Variants in PHKB observed in about 807,000 individuals in gnomAD.
PHKB encodes phosphorylase kinase regulatory subunit beta, also known as phosphorylase b kinase regulatory subunit beta.
In PHKB, 122 loss-of-function variants were observed where a neutral mutation model predicts 152.1. That is an observed-to-expected ratio of 0.80 (90% CI 0.69 to 0.93). The LOEUF (loss-of-function observed/expected upper bound fraction) is 0.93. PHKB is among the 40% of genes least tolerant of loss of function. The probability of loss-of-function intolerance (pLI) is 0.00; values close to 1 mark genes in which losing one functional copy is unlikely to be tolerated. For missense variants in PHKB, 1,304 were observed against 1,328.4 expected, an observed-to-expected ratio of 0.98 and a Z score of 0.29; for synonymous variants, 436 against 464.9, an observed-to-expected ratio of 0.94 and a Z score of 0.80.
chr16:47,570,501 G>A (rs183992063), intron 7 of PHKB, among the ~76,000 whole-genome samples: 57 of 151,994 alleles, frequency 3.8e-4, no homozygotes, highest in African/African-American at 1.3e-3. Context: ...CTTAATTTTT[G>A]TCTGACTGGT....
At chr16:47,528,926 C>T (rs1970813383) in intron 6 of PHKB, among the ~76,000 whole-genome samples, 1 of 151,986 alleles carries the variant, frequency 6.6e-6, no homozygotes, top group African/African-American at 2.4e-5. Context: ...GAACTCCTGA[C>T]CTCATGATCC....
chr16:47,566,100 T>C (rs1403244984), intron 7 of PHKB: 2 of 657,892 alleles, frequency 3.0e-6, no homozygotes, highest in Non-Finnish European at 5.5e-6. Flanking sequence ...CTGGGAATCA[T>C]AGCCTCTATC....
chr16:47,481,986 T>C (rs986973593), intron 1 of PHKB, among the ~76,000 whole-genome samples: 2 of 152,226 alleles, frequency 1.3e-5, no homozygotes, highest in African/African-American at 4.8e-5. Flanking sequence ...GTTGATACTC[T>C]GAGGGCTGGG....
intron 26 of PHKB, among the ~76,000 whole-genome samples, chr16:47,672,461 C>T (rs1054380001): frequency 6.6e-6 from 1 of 152,146 alleles, no homozygotes; most frequent in Non-Finnish European, 1.5e-5. Flanking sequence ...GTCACAGACT[C>T]AGGCATTGAT....
chr16:47,634,903 C>T (rs1199192320), intron 14 of PHKB, among the ~76,000 whole-genome samples: 1 of 152,116 alleles, frequency 6.6e-6, no homozygotes, highest in Non-Finnish European at 1.5e-5. Context: ...GCAGGGTGTT[C>T]ATAAGCATGT....
At chr16:47,588,845 TG>T in intron 9 of PHKB, 59 bp from the exon 10 acceptor site, 1 of 1,399,448 alleles carries the variant, frequency 7.1e-7, no homozygotes, top group Non-Finnish European at 1.0e-6. Flanking sequence ...TCATTCTCCT[TG>T]GGCTGTGTTG....
intron 13 of PHKB, among the ~76,000 whole-genome samples, chr16:47,600,579 A>G (rs1168533267): frequency 3.9e-5 from 6 of 152,224 alleles, no homozygotes; most frequent in Admixed American, 6.5e-5. Flanking sequence ...TGGTAGGGCT[A>G]CATTCTGAGA....
chr16:47,544,853 TTC>T (rs1338241323), intron 6 of PHKB, among the ~76,000 whole-genome samples: 3 of 152,244 alleles, frequency 2.0e-5, no homozygotes, highest in Non-Finnish European at 4.4e-5. Context: ...TGTAATGGCC[TTC>T]TTTGTCTCTT....
intron 20 of PHKB, 76 bp downstream of exon 20, chr16:47,650,997 G>T: frequency 1.9e-6 from 2 of 1,051,356 alleles, no homozygotes; most frequent in South Asian, 2.5e-5. Context: ...CTTAATGTAT[G>T]GTCTATTTAA....
intron 10 of PHKB, 80 bp from the exon 11 acceptor site, chr16:47,593,420 A>G (rs1472592778): frequency 2.5e-6 from 2 of 808,798 alleles, no homozygotes; most frequent in African/African-American, 3.4e-5. Flanking sequence ...AGCCTGGGCC[A>G]CAGAGTGAGA....
chr16:47,550,833 G>A (rs986481448), intron 7 of PHKB, among the ~76,000 whole-genome samples: 2 of 152,160 alleles, frequency 1.3e-5, no homozygotes, highest in African/African-American at 4.8e-5. Flanking sequence ...TCAGGTGTGA[G>A]TCCGTCTGGT....
At chr16:47,574,372 A>G (rs1172984948) in intron 7 of PHKB, among the ~76,000 whole-genome samples, 1 of 152,182 alleles carries the variant, frequency 6.6e-6, no homozygotes, top group Non-Finnish European at 1.5e-5. Flanking sequence ...CACCTGACTC[A>G]CCATGTAGGT....
chr16:47,626,883 A>G (rs1221170705), intron 14 of PHKB, among the ~76,000 whole-genome samples: 1 of 152,194 alleles, frequency 6.6e-6, no homozygotes, highest in Non-Finnish European at 1.5e-5. Context: ...AATGATAGAA[A>G]TGGCCCCCTC....
At chr16:47,683,840 C>G (rs1973910649) in intron 26 of PHKB, among the ~76,000 whole-genome samples, 2 of 152,178 alleles carry the variant, frequency 1.3e-5, no homozygotes, top group African/African-American at 4.8e-5. Context: ...AGAAATCACC[C>G]ATCTTCTGCA....
At chr16:47,696,883 C>T (rs1200713497) in intron 29 of PHKB, among the ~76,000 whole-genome samples, 39 of 152,196 alleles carry the variant, frequency 2.6e-4, no homozygotes, top group Admixed American at 2.6e-3. Context: ...TAGAAAGTTT[C>T]AGCAGTTTAG....
At chr16:47,541,332 T>A (rs944290150) in intron 6 of PHKB, among the ~76,000 whole-genome samples, 1 of 152,212 alleles carries the variant, frequency 6.6e-6, no homozygotes, top group Non-Finnish European at 1.5e-5. Context: ...GAGCTCATCC[T>A]TTTTTATGGC....
chr16:47,547,533 C>T lies in PHKB; in HGVS notation c.695C>T (p.Thr232Ile), dbSNP rs1182102906. ...GGAAGCAAATATAATAATGGCAGCA[C>T]AGAGCTACATTCGAGGTAATTTGCT... Reference protein sequence around the residue: ...ERGSKYNNGSTELHSSSVGLA... With the variant: ...ERGSKYNNGSIELHSSSVGLA... The change falls in exon 7 of 31, where the codon ACA becomes ATA. Residue 232 changes from threonine (T) to isoleucine (I), a missense_variant. Transcript: ENST00000323584. 2 of 1,592,238 alleles carry T rather than the reference C, an allele frequency of 1.3e-6. No homozygotes were observed. Among genetic ancestry groups the T allele is most frequent in the Non-Finnish European group, 8.6e-7 (1 of 1,160,416 alleles).
intron 6 of PHKB, among the ~76,000 whole-genome samples, chr16:47,547,215 C>G (rs148358393): frequency 6.6e-6 from 1 of 152,156 alleles, no homozygotes; most frequent in East Asian, 1.9e-4. Context: ...AAGACCGGAG[C>G]TGTTCGTATT....
intron 5 of PHKB, among the ~76,000 whole-genome samples, chr16:47,513,028 T>C (rs554584976): frequency 1.3e-5 from 2 of 152,338 alleles, no homozygotes; most frequent in South Asian, 4.1e-4. Context: ...ACCTTAACCT[T>C]TAATCAGATT....
Sources: allele counts gnomAD v4.1 joint callset (sites outside exome capture counted in the v4.1 genomes callset), GRCh38; gene constraint gnomAD v4.1.1; transcripts MANE v1.5; gene names NCBI Gene and HGNC (gene_info 2026-07-23, HGNC 2026-07-21).